EXT1: variants seen among roughly 807,000 people sequenced by gnomAD.
EXT1 encodes the protein exostosin glycosyltransferase 1, also known as exostosin-1.
A neutral mutation model predicts 82.5 loss-of-function variants in EXT1; 20 were observed. The observed-to-expected ratio is 0.24, with a 90% CI of 0.17 to 0.35. The LOEUF (loss-of-function observed/expected upper bound fraction) is 0.35, where lower values mean the gene tolerates loss of function less well. Among genes scored for constraint, EXT1 ranks in the 10% least tolerant of loss-of-function variants. The pLI is 1.00. For missense variants in EXT1, 757 were observed against 936.5 expected, an observed-to-expected ratio of 0.81 and a Z score of 2.50; for synonymous variants, 348 against 350.8, an observed-to-expected ratio of 0.99 and a Z score of 0.09.
chr8:118,084,395 T>C (rs549575638), intron 1 of EXT1, among the ~76,000 whole-genome samples: 2 of 152,368 alleles, frequency 1.3e-5, no homozygotes, highest in East Asian at 3.9e-4. Context: ...ATAATGCATC[T>C]TGTTCATGCT....
At chr8:117,975,474 C>T (rs985845891) in intron 1 of EXT1, among the ~76,000 whole-genome samples, 3 of 151,904 alleles carry the variant, frequency 2.0e-5, no homozygotes, top group African/African-American at 7.3e-5. Context: ...GTGCAAAGCC[C>T]TCACCCTCAC....
intron 1 of EXT1, among the ~76,000 whole-genome samples, chr8:117,971,633 C>T (rs1407912133): frequency 6.6e-6 from 1 of 152,132 alleles, no homozygotes; most frequent in African/African-American, 2.4e-5. Context: ...GGTACAGAAG[C>T]CATTCAAATT....
chr8:117,995,571 A>AT (rs777872859), intron 1 of EXT1, among the ~76,000 whole-genome samples: 82 of 152,176 alleles, frequency 5.4e-4, no homozygotes, highest in Non-Finnish European at 1.0e-3. Context: ...GAGTTGAGGC[A>AT]TCCCCAGGAA....
At chr8:118,032,508 CT>C (rs1207517029) in intron 1 of EXT1, among the ~76,000 whole-genome samples, 1,579 of 133,110 alleles carry the variant, frequency 0.012, 11 homozygotes, top group South Asian at 0.029. Context: ...AGGGTAACAA[CT>C]TTTTTTTTTT....
At chr8:118,036,081 T>C (rs547134659) in intron 1 of EXT1, among the ~76,000 whole-genome samples, 12 of 152,118 alleles carry the variant, frequency 7.9e-5, no homozygotes, top group African/African-American at 2.7e-4. Context: ...TCTTTTTTTT[T>C]TTTTTTCATG....
At chr8:118,087,250 C>G (rs1256411336) in intron 1 of EXT1, among the ~76,000 whole-genome samples, 1 of 152,146 alleles carries the variant, frequency 6.6e-6, no homozygotes, top group Non-Finnish European at 1.5e-5. Context: ...TAAGAATATT[C>G]CTCTATTCCT....
chr8:117,953,959 G>T (rs759664825), intron 1 of EXT1, among the ~76,000 whole-genome samples: 1 of 152,050 alleles, frequency 6.6e-6, no homozygotes, highest in Non-Finnish European at 1.5e-5. Flanking sequence ...GTTATTTACC[G>T]AAAGATTATT....
intron 4 of EXT1, 87 bp from the exon 5 acceptor site, chr8:117,822,684 T>C (rs1481540160): frequency 7.9e-6 from 12 of 1,515,778 alleles, no homozygotes; most frequent in Non-Finnish European, 1.1e-5. Flanking sequence ...CGAAAGATGG[T>C]GGCAGTCAGA....
chr8:117,914,072 T>C (rs1448015980), intron 1 of EXT1, among the ~76,000 whole-genome samples: 3 of 152,172 alleles, frequency 2.0e-5, no homozygotes, highest in Non-Finnish European at 4.4e-5. Context: ...TATGATTTCT[T>C]TATTTTGAAC....
chr8:117,811,823 C>T (rs1305434065), intron 8 of EXT1, among the ~76,000 whole-genome samples: 1 of 152,098 alleles, frequency 6.6e-6, no homozygotes, highest in Non-Finnish European at 1.5e-5. Context: ...ACCATATTGG[C>T]CAGGCTGGTC....
At chr8:118,069,604 A>T (rs939276051) in intron 1 of EXT1, among the ~76,000 whole-genome samples, 1 of 152,240 alleles carries the variant, frequency 6.6e-6, no homozygotes, top group Non-Finnish European at 1.5e-5. Flanking sequence ...AAGAGGTGTT[A>T]CAGAAATCAA....
chr8:118,035,466 TC>T (rs1483432674), intron 1 of EXT1, among the ~76,000 whole-genome samples: 1 of 151,934 alleles, frequency 6.6e-6, no homozygotes, highest in African/African-American at 2.4e-5. Context: ...TAGGATGCAA[TC>T]CTTGTCATTT....
At position 117,897,117 on chromosome 8, in the gene EXT1, C is replaced by T. The variant is rs184119080; in HGVS notation, c.963-59916G>A. 1.5e-3 allele frequency among the ~76,000 whole-genome samples: 223 copies of T among 152,284 alleles called. 1 individual carries two copies. The highest frequency in any genetic ancestry group is 2.6e-3 in the Non-Finnish European group (174 of 68,028). On this transcript the variant is annotated intron_variant, in intron 1 of 10. Coordinates refer to ENST00000378204, the MANE Select transcript of EXT1 (RefSeq NM_000127.3). ...GTTAAGGACTGTGTTTCTAAGATCC[C>T]AAAGCTGCAGCCAGTTAAGAACTGA...
At chr8:118,079,117 GAAT>G (rs1817264079) in intron 1 of EXT1, among the ~76,000 whole-genome samples, 1 of 152,046 alleles carries the variant, frequency 6.6e-6, no homozygotes, top group Non-Finnish European at 1.5e-5. Flanking sequence ...ATATACTGAC[GAAT>G]CAGGAAAATA....
In EXT1 at chr8:118,093,535, C is replaced by CT. The variant is rs1177031192; in HGVS notation, c.962+16549dup. 1.1e-4 allele frequency among the ~76,000 whole-genome samples: 17 copies of CT among 152,134 alleles called. No individual in the cohort carries two copies. In the East Asian group the frequency reaches 2.7e-3, roughly 24 times the overall value. ...AAGAATTTAATCCTGTTCTAACATG[C>CT]TTTTTTTGGATATGGTGAAGTTTCA... On this transcript the variant is annotated intron_variant, in intron 1 of 10. Coordinates refer to ENST00000378204, the MANE Select transcript of EXT1 (RefSeq NM_000127.3).
At chr8:117,832,529 A>T (rs1812118872) in intron 3 of EXT1, among the ~76,000 whole-genome samples, 1 of 124,922 alleles carries the variant, frequency 8.0e-6, no homozygotes, top group South Asian at 2.1e-4. Flanking sequence ...TTAAAAAAAA[A>T]AAAGAAAAGA....
chr8:117,948,320 C>CAAAAAAA lies in EXT1; in HGVS notation c.963-111126_963-111120dup, dbSNP rs34394392. Among the ~76,000 whole-genome samples, 23 of 51,890 alleles carry CAAAAAAA rather than the reference C, an allele frequency of 4.4e-4. 1 individual carries two copies. The highest frequency in any genetic ancestry group is 1.3e-3 in the African/African-American group (22 of 17,322). The allele number at this position is 51,890 out of a possible 152,430, so 34.0% of individuals were successfully genotyped here. Reference sequence around the variant, plus strand: ...AAGAAGTCATTCTGACTGCCCTTGCCAAAAAAAAAAAAAAAAAAAAAGGAG... The same window carrying CAAAAAAA: ...AAGAAGTCATTCTGACTGCCCTTGCCAAAAAAAAAAAAAAAAAAAAAAAAAAAAGGAG... On this transcript the variant is annotated intron_variant, in intron 1 of 10. Transcript: ENST00000378204.
At chr8:118,023,832 C>T (rs1208530842) in intron 1 of EXT1, among the ~76,000 whole-genome samples, 1 of 152,218 alleles carries the variant, frequency 6.6e-6, no homozygotes, top group Non-Finnish European at 1.5e-5. Flanking sequence ...GATACAGAGC[C>T]GCTCATTAAC....
rs1047158754 is a variant in EXT1, at chr8:118,103,307, C to G, written c.962+6778G>C. Among the ~76,000 whole-genome samples, 23 of 152,214 alleles carry G rather than the reference C, an allele frequency of 1.5e-4. 1 individual carries two copies. Among genetic ancestry groups the G allele is most frequent in the African/African-American group, 5.5e-4 (23 of 41,526 alleles). Reference sequence around the variant, plus strand: ...GACTACAGGTGTGCACCACCATGCCCAGCTAATTTTTTTATCTTTAGTAAA... The same window carrying G: ...GACTACAGGTGTGCACCACCATGCCGAGCTAATTTTTTTATCTTTAGTAAA... On this transcript the variant is annotated intron_variant, in intron 1 of 10. Coordinates refer to ENST00000378204, the MANE Select transcript of EXT1 (RefSeq NM_000127.3).
Sources: gnomAD v4.1 joint callset for allele counts (sites outside exome capture counted in the v4.1 genomes callset) on GRCh38, gnomAD v4.1.1 for gene constraint, MANE v1.5 for transcripts, NCBI Gene and HGNC (gene_info 2026-07-23, HGNC 2026-07-21) for gene names.